The following DUSP10 variants were observed in gnomAD, a reference collection of about 807,000 sequenced individuals.
DUSP10 encodes dual specificity protein phosphatase 10.
DUSP10 carries 14 observed loss-of-function variants against 30.8 expected under a neutral mutation model. That is an observed-to-expected ratio of 0.46 (90% CI 0.30 to 0.71). DUSP10 has a LOEUF of 0.71. DUSP10 is among the 30% of genes least tolerant of loss of function. The pLI, the probability that DUSP10 is intolerant of heterozygous loss-of-function variation, is 0.08. For missense variants in DUSP10, 550 were observed against 619.4 expected, an observed-to-expected ratio of 0.89 and a Z score of 1.19; for synonymous variants, 254 against 250.4, an observed-to-expected ratio of 1.01 and a Z score of -0.14.
Position 221,739,356 on chromosome 1 carries a change from G to T in DUSP10, c.389C>A (p.Ser130Ter). The T allele has an allele frequency of 6.2e-7, 1 of 1,614,062 alleles. No individual in the cohort carries two copies. Among genetic ancestry groups the T allele is most frequent in the Non-Finnish European group, 8.5e-7 (1 of 1,179,958 alleles). The change falls in exon 2 of 4, where the codon TCA (serine) becomes TAA (stop). Residue 130 changes from serine to a stop codon, truncating the protein, a stop_gained. Coordinates refer to ENST00000366899, the MANE Select transcript of DUSP10 (RefSeq NM_007207.6). LOFTEE classifies it high-confidence loss of function. ...TGACACAGGGCTGCCCACCCCACTT[G>T]ATGGACTTAGAGAGCCTGTATTCTC... ...NNENTGSLSPSSGVGSPVSGT... is the reference protein window; with the variant it reads ...NNENTGSLSP
At chr1:221,729,131 T>C (rs773322772) in intron 2 of DUSP10, among the ~76,000 whole-genome samples, 4 of 152,214 alleles carry the variant, frequency 2.6e-5, no homozygotes, top group Admixed American at 6.5e-5. Flanking sequence ...TCATATATGT[T>C]AGAATTATCA....
At chr1:221,711,991 T>G (rs1413203065) in intron 2 of DUSP10, among the ~76,000 whole-genome samples, 1 of 152,176 alleles carries the variant, frequency 6.6e-6, no homozygotes, top group East Asian at 1.9e-4. Context: ...TTCATAAGTT[T>G]CAGGGCAGAA....
At chr1:221,731,284 G>A (rs1661582603) in intron 2 of DUSP10, among the ~76,000 whole-genome samples, 1 of 151,856 alleles carries the variant, frequency 6.6e-6, no homozygotes, top group Admixed American at 6.6e-5. Flanking sequence ...TTTTTTTAAA[G>A]CAGGCCAAAA....
intron 2 of DUSP10, among the ~76,000 whole-genome samples, chr1:221,715,351 C>T (rs891957060): frequency 6.6e-6 from 1 of 152,164 alleles, no homozygotes; most frequent in African/African-American, 2.4e-5. Flanking sequence ...CACCACCCTC[C>T]CCTCCTGGCT....
At chr1:221,733,107 G>T (rs566127847) in intron 2 of DUSP10, among the ~76,000 whole-genome samples, 10 of 152,210 alleles carry the variant, frequency 6.6e-5, no homozygotes, top group Non-Finnish European at 1.2e-4. Flanking sequence ...GGGCTTGGAG[G>T]TTCTGGCTTC....
intron 2 of DUSP10, among the ~76,000 whole-genome samples, chr1:221,731,610 T>C (rs920380817): frequency 8.1e-6 from 1 of 123,878 alleles, no homozygotes; most frequent in Non-Finnish European, 1.6e-5. Context: ...CTTTTTTTTT[T>C]TTTTTTTTTT....
At chr1:221,718,024 C>T (rs1661163013) in intron 2 of DUSP10, among the ~76,000 whole-genome samples, 2 of 151,214 alleles carry the variant, frequency 1.3e-5, no homozygotes, top group Non-Finnish European at 2.9e-5. Context: ...GAGAACAAAG[C>T]CCCTGAGAGC....
intron 2 of DUSP10, among the ~76,000 whole-genome samples, chr1:221,709,031 T>C (rs1571809299): frequency 6.8e-6 from 1 of 147,470 alleles, no homozygotes; most frequent in Non-Finnish European, 1.5e-5. Flanking sequence ...CAACACATGC[T>C]AGAAAACCCC....
intron 2 of DUSP10, among the ~76,000 whole-genome samples, chr1:221,721,223 A>T (rs1049846903): frequency 6.6e-6 from 1 of 152,258 alleles, no homozygotes; most frequent in African/African-American, 2.4e-5. Flanking sequence ...TTTTAGATTC[A>T]TTGAACACTG....
intron 1 of DUSP10, among the ~76,000 whole-genome samples, chr1:221,741,549 T>C (rs898236286): frequency 1.3e-5 from 2 of 152,132 alleles, no homozygotes; most frequent in Non-Finnish European, 2.9e-5. Flanking sequence ...CCCCTCTCCC[T>C]TCCACCACTA....
intron 1 of DUSP10, among the ~76,000 whole-genome samples, chr1:221,740,271 TG>T (rs1661913069): frequency 6.6e-6 from 1 of 152,248 alleles, no homozygotes. Context: ...AGCACTGGCA[TG>T]GTTCACAGAA....
At position 221,702,409 on chromosome 1, in the gene DUSP10, T is replaced by TTG. The variant is rs1558114116; in HGVS notation, c.*1_*2dup. 6.2e-7 allele frequency: 1 copy of TTG among 1,613,642 alleles called. No homozygotes were observed. The highest frequency in any genetic ancestry group is 8.5e-7 in the Non-Finnish European group (1 of 1,179,834). On this transcript the variant is annotated 3_prime_UTR_variant, in exon 4 of 4. Transcript: ENST00000366899. This position sits in a 1 kb window ranked among gnomAD's most constrained non-coding sequence, Gnocchi z 4.5. Reference sequence around the variant, plus strand: ...GCAGCAATCCTTTCCATCCAGACCATTGTCACACAACCGTCTCCACGCCCA... The same window carrying TTG: ...GCAGCAATCCTTTCCATCCAGACCATTGTGTCACACAACCGTCTCCACGCCCA...
chr1:221,708,689 A>C (rs1660840424), intron 2 of DUSP10, among the ~76,000 whole-genome samples: 1 of 152,172 alleles, frequency 6.6e-6, no homozygotes, highest in African/African-American at 2.4e-5. Flanking sequence ...AAATAACTTC[A>C]CCAGTGAAGA....
At chr1:221,737,333 C>A in intron 2 of DUSP10, 1 of 985,410 alleles carries the variant, frequency 1.0e-6, no homozygotes, top group Non-Finnish European at 1.2e-6. Flanking sequence ...CTCCCCAAGA[C>A]AAACTATTAC....
chr1:221,725,680 T>C (rs1474715918), intron 2 of DUSP10, among the ~76,000 whole-genome samples: 1 of 152,244 alleles, frequency 6.6e-6, no homozygotes, highest in Non-Finnish European at 1.5e-5. Context: ...ATGGGAATTA[T>C]CTTTCCATTC....
chr1:221,727,176 C>A (rs777005840), intron 2 of DUSP10, among the ~76,000 whole-genome samples: 1 of 152,126 alleles, frequency 6.6e-6, no homozygotes, highest in East Asian at 1.9e-4. Context: ...ATACTCCCTT[C>A]GCAAGAAAAT....
intron 3 of DUSP10, among the ~76,000 whole-genome samples, chr1:221,703,735 C>T (rs1558114784): frequency 1.3e-5 from 2 of 152,182 alleles, no homozygotes; most frequent in Admixed American, 1.3e-4. Flanking sequence ...TTTCTAGACT[C>T]TAACACATCC....
rs199558927 is a variant in DUSP10, at chr1:221,739,043, T to A, written c.702A>T (p.Ile234=). The A allele has an allele frequency of 1.2e-6, 2 of 1,614,232 alleles. No homozygotes were observed. The highest frequency in any genetic ancestry group is 1.3e-5 in the African/African-American group (1 of 75,050). ...SFKRIFSKEI[I]VYDENTNEPS... ...GTTCATTGGTATTCTCATCATAAAC[T>A]ATAATTTCTTTGGAAAAGATCCTCT... The change falls in exon 2 of 4, where the codon ATA becomes ATT. Residue 234 remains isoleucine (I), a synonymous_variant. Coordinates refer to ENST00000366899, the MANE Select transcript of DUSP10 (RefSeq NM_007207.6).
At chr1:221,724,699 A>C (rs1362309068) in intron 2 of DUSP10, among the ~76,000 whole-genome samples, 1 of 152,124 alleles carries the variant, frequency 6.6e-6, no homozygotes, top group East Asian at 1.9e-4. Context: ...TAACTAAAAT[A>C]TGTGTTTGTT....
Sources: gnomAD v4.1 joint callset for allele counts (sites outside exome capture counted in the v4.1 genomes callset) on GRCh38, gnomAD v4.1.1 for gene constraint, Gnocchi (gnomAD v3.1) non-coding constraint, MANE v1.5 for transcripts, NCBI Gene and HGNC (gene_info 2026-07-23, HGNC 2026-07-21) for gene names.